CYTH1: variants seen among roughly 807,000 people sequenced by gnomAD.
CYTH1 encodes the protein cytohesin-1.
Under a neutral mutation model 61.8 loss-of-function variants are expected in CYTH1, and 18 were observed. The observed-to-expected ratio is 0.29, with a 90% CI of 0.20 to 0.43. CYTH1 has a LOEUF of 0.43. Among genes scored for constraint, CYTH1 ranks in the 20% least tolerant of loss-of-function variants. CYTH1 has a pLI of 1.00. For missense variants in CYTH1, 336 were observed against 510.5 expected (o/e 0.66, Z 3.29); for synonymous variants, 174 against 184.3 (o/e 0.94, Z 0.45).
chr17:78,750,696 C>T (rs1036483830), intron 1 of CYTH1, among the ~76,000 whole-genome samples: 10 of 151,476 alleles, frequency 6.6e-5, no homozygotes, highest in Non-Finnish European at 1.5e-4. Context: ...ATCCCAGCTA[C>T]AGCTACAGGC....
At chr17:78,760,467 A>G (rs1422701450) in intron 1 of CYTH1, among the ~76,000 whole-genome samples, 1 of 48,266 alleles carries the variant, frequency 2.1e-5, no homozygotes. Flanking sequence ...ATACATATAT[A>G]TATGTATATA....
intron 1 of CYTH1, among the ~76,000 whole-genome samples, chr17:78,776,343 C>T (rs1238964566): frequency 6.6e-6 from 1 of 151,962 alleles, no homozygotes; most frequent in African/African-American, 2.4e-5. Flanking sequence ...AACATTATTA[C>T]ACAGAAATAT....
chr17:78,702,973 C>T (rs1229507480), intron 3 of CYTH1, among the ~76,000 whole-genome samples: 1 of 152,124 alleles, frequency 6.6e-6, no homozygotes, highest in African/African-American at 2.4e-5. Context: ...AGGCGCATGC[C>T]ACCATGCTCA....
intron 1 of CYTH1, among the ~76,000 whole-genome samples, chr17:78,745,899 G>C (rs1302668610): frequency 1.3e-5 from 2 of 151,100 alleles, no homozygotes; most frequent in East Asian, 3.9e-4. Context: ...TCAAAAAAAA[G>C]AAAAAAAAAT....
intron 1 of CYTH1, among the ~76,000 whole-genome samples, chr17:78,775,592 C>T (rs763216116): frequency 2.0e-5 from 3 of 152,070 alleles, no homozygotes; most frequent in Non-Finnish European, 4.4e-5. Context: ...ACCTTTCCTG[C>T]TTTAGATAAT....
chr17:78,681,216 G>C lies in CYTH1; in HGVS notation c.892-174C>G, dbSNP rs531183726. Reference sequence around the variant, plus strand: ...AACAAGAATAACACCAAAAATGTCTGAGGATTGTCAATATAACTGCTAAGT... The same window carrying C: ...AACAAGAATAACACCAAAAATGTCTCAGGATTGTCAATATAACTGCTAAGT... On this transcript the variant is annotated intron_variant, in intron 11 of 13. Coordinates refer to ENST00000446868, the MANE Select transcript of CYTH1 (RefSeq NM_004762.6). The C allele has an allele frequency of 9.4e-6, 6 of 637,556 alleles. No homozygotes were observed. In the Admixed American group the frequency reaches 1.8e-4, roughly 19 times the overall value. The allele number at this position is 637,556 out of a possible 1,614,324, so 39.5% of individuals were successfully genotyped here. A position where few individuals can be genotyped will look rare whatever the true frequency, so the allele number is the denominator to read the frequency against.
chr17:78,699,121 C>T (rs1214046695), intron 7 of CYTH1, among the ~76,000 whole-genome samples, 153 bp from the exon 8 acceptor site: 1 of 152,170 alleles, frequency 6.6e-6, no homozygotes, highest in Non-Finnish European at 1.5e-5. Context: ...AATCCCTGCA[C>T]TTTGGGAGGC....
At chr17:78,711,310 TATATACAC>T (rs997515223) in intron 1 of CYTH1, among the ~76,000 whole-genome samples, 37 of 143,748 alleles carry the variant, frequency 2.6e-4, no homozygotes, top group African/African-American at 8.5e-4. Context: ...ATAATATATA[TATATACAC>T]ACACACACAC....
chr17:78,722,588 C>A (rs1007259707), intron 1 of CYTH1, among the ~76,000 whole-genome samples: 27 of 152,308 alleles, frequency 1.8e-4, no homozygotes, highest in Non-Finnish European at 4.0e-4. Flanking sequence ...GCCACGACAC[C>A]CCTTCCGTGT....
Position 78,703,149 on chromosome 17 carries a change from C to T in CYTH1, c.171-545G>A, listed in dbSNP as rs147491108. ...TCAGGGTAGGCCGGGCACAGTGGCT[C>T]ATGCCTGTAATCCCAGCACTTTGGG... On this transcript the variant is annotated intron_variant, in intron 3 of 13. Transcript: ENST00000446868. Among the ~76,000 whole-genome samples the T allele has an allele frequency of 3.9e-4, 59 of 151,530 alleles. No individual in the cohort carries two copies. In the East Asian group the frequency reaches 0.011, roughly 29 times the overall value.
At chr17:78,763,467 A>AC (rs909164341) in intron 1 of CYTH1, among the ~76,000 whole-genome samples, 57 of 151,846 alleles carry the variant, frequency 3.8e-4, no homozygotes, top group African/African-American at 1.3e-3. Context: ...ACTTTCCAAG[A>AC]CCCCCCACGG....
At chr17:78,743,859 G>GCTTTGTAA (rs2093350352) in intron 1 of CYTH1, among the ~76,000 whole-genome samples, 1 of 152,220 alleles carries the variant, frequency 6.6e-6, no homozygotes, top group Non-Finnish European at 1.5e-5. Flanking sequence ...AAGCCGTGTG[G>GCTTTGTAA]TAGGCATGGC....
chr17:78,750,243 G>A (rs7208285), intron 1 of CYTH1, among the ~76,000 whole-genome samples: 79,357 of 152,028 alleles, frequency 0.52, 20,850 homozygotes, highest in East Asian at 0.61. Context: ...TGGATAGGCA[G>A]AACAAGAGAA....
chr17:78,708,003 G>C (rs2093087136), intron 3 of CYTH1, among the ~76,000 whole-genome samples, 194 bp downstream of exon 3: 1 of 152,144 alleles, frequency 6.6e-6, no homozygotes. Context: ...TTAAACACTG[G>C]AAGAAGCTCC....
chr17:78,700,648 C>T lies in CYTH1; in HGVS notation c.438-205G>A, dbSNP rs980993590. ...CAGGCAATCTTCTGCCTCAGCCTCCCGAGTAGCCGGGACTACAGGCACACG... is the reference window on the plus strand; with the variant it reads ...CAGGCAATCTTCTGCCTCAGCCTCCTGAGTAGCCGGGACTACAGGCACACG... On this transcript the variant is annotated intron_variant, in intron 6 of 13. Coordinates refer to ENST00000446868, the MANE Select transcript of CYTH1 (RefSeq NM_004762.6). The surrounding 1 kb of genome is among the most constrained non-coding windows in gnomAD (Gnocchi z 5.1). Among the ~76,000 whole-genome samples, 1 of 152,114 alleles carries T rather than the reference C, an allele frequency of 6.6e-6. No homozygotes were observed. The highest frequency in any genetic ancestry group is 1.5e-5 in the Non-Finnish European group (1 of 68,004).
intron 1 of CYTH1, among the ~76,000 whole-genome samples, chr17:78,766,003 C>G (rs951232571): frequency 6.7e-6 from 1 of 149,212 alleles, no homozygotes; most frequent in African/African-American, 2.4e-5. Flanking sequence ...AACCTGTAAT[C>G]CCAGCACTTT....
intron 1 of CYTH1, among the ~76,000 whole-genome samples, chr17:78,757,805 G>T (rs1036210995): frequency 6.6e-6 from 1 of 151,962 alleles, no homozygotes; most frequent in African/African-American, 2.4e-5. Flanking sequence ...ATGGCTACTT[G>T]GGAGGCTGAG....
chr17:78,736,993 C>T (rs1485266661), intron 1 of CYTH1: 2 of 155,258 alleles, frequency 1.3e-5, no homozygotes, highest in South Asian at 1.7e-4. Context: ...AAGCACCTTC[C>T]GAGTGTGTTA....
rs780857750 is a variant in CYTH1, at chr17:78,676,011, G to A, written c.*80C>T. On this transcript the variant is annotated 3_prime_UTR_variant, in exon 14 of 14. Coordinates refer to ENST00000446868, the MANE Select transcript of CYTH1 (RefSeq NM_004762.6). Reference sequence around the variant, plus strand: ...GGGCCTGGCAGAGGACGCTCTGCTCGGCAGCAGTGCATCCATGGAGGTGCG... The same window carrying A: ...GGGCCTGGCAGAGGACGCTCTGCTCAGCAGCAGTGCATCCATGGAGGTGCG... 31 of 1,554,606 alleles carry A rather than the reference G, an allele frequency of 2.0e-5. No homozygotes were observed. The highest frequency in any genetic ancestry group is 4.1e-5 in the African/African-American group (3 of 73,674).
Sources: allele counts gnomAD v4.1 joint callset (sites outside exome capture counted in the v4.1 genomes callset), GRCh38; gene constraint gnomAD v4.1.1; non-coding constraint Gnocchi (gnomAD v3.1); transcripts MANE v1.5; gene names NCBI Gene and HGNC (gene_info 2026-07-23, HGNC 2026-07-21).